STPG2: variants seen among roughly 807,000 people sequenced by gnomAD.
STPG2 encodes the protein sperm tail PG-rich repeat containing 2, also known as sperm-tail PG-rich repeat-containing protein 2.
A neutral mutation model predicts 54.2 loss-of-function variants in STPG2; 56 were observed. That is an observed-to-expected ratio of 1.03 (90% confidence interval 0.83 to 1.29). The LOEUF is 1.29. Ranked by LOEUF, STPG2 falls within the 50% of genes most tolerant of loss-of-function variation. The pLI is 0.00. For synonymous variants in STPG2, 200 were observed against 181.8 expected, an observed-to-expected ratio of 1.10 and a Z score of -0.81; for missense variants, 596 against 544.9, an observed-to-expected ratio of 1.09 and a Z score of -0.93.
intron 10 of STPG2, among the ~76,000 whole-genome samples, chr4:97,645,533 G>A (rs1721889600): frequency 6.6e-6 from 1 of 152,146 alleles, no homozygotes; most frequent in South Asian, 2.1e-4. Flanking sequence ...CCTTTGCCAT[G>A]TGGCATATGA....
rs1740359750 is a variant in STPG2, at chr4:98,143,384, A to T, written c.-234T>A. ...AAAGTAGAGGGGTGAGCGACTAGAG[A>T]TTAGACGTCCCACACAATCATCAGT... On this transcript the variant is annotated 5_prime_UTR_variant, in exon 1 of 11. Transcript: ENST00000295268. The T allele has an allele frequency of 2.0e-6, 1 of 504,654 alleles. No individual in the cohort carries two copies. The highest frequency in any genetic ancestry group is 1.9e-5 in the African/African-American group (1 of 51,738). The allele number at this position is 504,654 out of a possible 1,614,324, so 31.3% of individuals were successfully genotyped here.
intron 6 of STPG2, among the ~76,000 whole-genome samples, chr4:97,973,863 G>A (rs199880515): frequency 6.6e-6 from 1 of 152,216 alleles, no homozygotes; most frequent in Non-Finnish European, 1.5e-5. Flanking sequence ...ACCTCTGCTA[G>A]GGGATTGTAG....
intron 4 of STPG2, among the ~76,000 whole-genome samples, chr4:97,533,179 C>A (rs920789052): frequency 3.3e-5 from 5 of 152,048 alleles, no homozygotes; most frequent in Non-Finnish European, 7.4e-5. Context: ...CTGCCCCCGG[C>A]CTACTTAGCA....
At chr4:97,927,564 T>G (rs749879800) in intron 8 of STPG2, among the ~76,000 whole-genome samples, 2 of 152,124 alleles carry the variant, frequency 1.3e-5, no homozygotes, top group Non-Finnish European at 2.9e-5. Flanking sequence ...GTTATATACC[T>G]TATAATAACA....
chr4:97,991,123 C>T (rs1433130182), intron 5 of STPG2, among the ~76,000 whole-genome samples: 1 of 151,956 alleles, frequency 6.6e-6, no homozygotes, highest in Non-Finnish European at 1.5e-5. Flanking sequence ...GCCTTTGAGT[C>T]CTCATACCTT....
intron 4 of STPG2, among the ~76,000 whole-genome samples, chr4:97,444,256 C>A (rs1333655249): frequency 6.6e-6 from 1 of 152,048 alleles, no homozygotes; most frequent in Non-Finnish European, 1.5e-5. Context: ...AGATGAGAAA[C>A]TTTCAGAGCC....
chr4:98,007,730 A>G (rs936985364), intron 5 of STPG2, among the ~76,000 whole-genome samples: 6 of 152,066 alleles, frequency 3.9e-5, no homozygotes, highest in African/African-American at 1.4e-4. Context: ...AATTCAGAAT[A>G]TGAATGAGAA....
At chr4:98,141,867 C>A (rs1246696505) in intron 1 of STPG2, among the ~76,000 whole-genome samples, 1 of 148,472 alleles carries the variant, frequency 6.7e-6, no homozygotes, top group East Asian at 2.0e-4. Context: ...GAAGATGATG[C>A]CCTGATTCGG....
intron 4 of STPG2, among the ~76,000 whole-genome samples, chr4:97,529,519 C>T (rs554520678): frequency 5.3e-5 from 8 of 152,182 alleles, no homozygotes; most frequent in Admixed American, 5.2e-4. Context: ...GGAGGAGTCC[C>T]TCTTTTTCTA....
chr4:97,791,731 T>C (rs1726997276), intron 9 of STPG2, among the ~76,000 whole-genome samples: 1 of 152,142 alleles, frequency 6.6e-6, no homozygotes, highest in African/African-American at 2.4e-5. Context: ...AGTAATCATA[T>C]AAAAACTATT....
chr4:97,942,071 C>A (rs1014605453), intron 8 of STPG2, among the ~76,000 whole-genome samples: 2 of 151,518 alleles, frequency 1.3e-5, no homozygotes, highest in Non-Finnish European at 2.9e-5. Context: ...AGCAGATGTG[C>A]ACCATCTTTT....
chr4:97,692,063 T>C (rs1156532696), intron 10 of STPG2, among the ~76,000 whole-genome samples: 4 of 152,044 alleles, frequency 2.6e-5, no homozygotes, highest in African/African-American at 7.2e-5. Flanking sequence ...TTCCCTCTGA[T>C]ATAGTCTACC....
At chr4:98,049,706 A>G (rs955828514) in intron 5 of STPG2, among the ~76,000 whole-genome samples, 1 of 152,164 alleles carries the variant, frequency 6.6e-6, no homozygotes, top group African/African-American at 2.4e-5. Flanking sequence ...ATTTCAACTA[A>G]TAAGACTAAA....
At chr4:97,735,765 T>A (rs962269308) in intron 9 of STPG2, among the ~76,000 whole-genome samples, 1 of 151,810 alleles carries the variant, frequency 6.6e-6, no homozygotes, top group African/African-American at 2.4e-5. Flanking sequence ...TATGTGTGTC[T>A]GTGTGTGTAT....
chr4:98,038,411 T>A (rs11097599), intron 5 of STPG2, among the ~76,000 whole-genome samples: 59,809 of 147,630 alleles, frequency 0.41, 11,995 homozygotes, highest in African/African-American at 0.49. Context: ...GTGGAAACAA[T>A]TTTTTTTTAT....
chr4:97,580,374 C>G (rs929710760), intron 10 of STPG2, among the ~76,000 whole-genome samples: 8 of 151,786 alleles, frequency 5.3e-5, no homozygotes, highest in Non-Finnish European at 4.4e-5. Flanking sequence ...GATTATCTGA[C>G]AGAATATTAC....
chr4:98,043,620 TG>T (rs1216710308), intron 5 of STPG2, among the ~76,000 whole-genome samples: 1 of 152,130 alleles, frequency 6.6e-6, no homozygotes, highest in East Asian at 1.9e-4. Context: ...TATATGCTAT[TG>T]ATGTAAAATT....
At chr4:97,599,444 T>A (rs903911373) in intron 10 of STPG2, among the ~76,000 whole-genome samples, 1 of 152,192 alleles carries the variant, frequency 6.6e-6, no homozygotes, top group Non-Finnish European at 1.5e-5. Flanking sequence ...GACATATGCA[T>A]ACATATGTTC....
chr4:97,760,932 G>C (rs1725871842), intron 9 of STPG2, among the ~76,000 whole-genome samples: 1 of 152,032 alleles, frequency 6.6e-6, no homozygotes, highest in South Asian at 2.1e-4. Flanking sequence ...CCACATTCCT[G>C]GGCTACTGGC....
Sources: allele counts gnomAD v4.1 joint callset (sites outside exome capture counted in the v4.1 genomes callset), GRCh38; gene constraint gnomAD v4.1.1; transcripts MANE v1.5; gene names NCBI Gene and HGNC (gene_info 2026-07-23, HGNC 2026-07-21).